The following HUWE1 variants were observed in gnomAD, a reference collection of about 807,000 sequenced individuals.
HUWE1 encodes the protein E3 ubiquitin-protein ligase HUWE1.
Under a neutral mutation model 299.4 loss-of-function variants are expected in HUWE1, and 18 were observed. That is an observed-to-expected ratio of 0.06 (90% CI 0.04 to 0.09). The LOEUF (loss-of-function observed/expected upper bound fraction) is 0.09. Ranked by LOEUF, HUWE1 falls within the 10% of genes least tolerant of loss-of-function variation. The pLI is 1.00. For missense variants in HUWE1, 1,832 were observed against 3,462.3 expected, an observed-to-expected ratio of 0.53 and a Z score of 11.82; for synonymous variants, 1,317 against 1,286.1, an observed-to-expected ratio of 1.02 and a Z score of -0.51.
chrX:53,638,512 G>A (rs2067364932), intron 7 of HUWE1, among the ~76,000 whole-genome samples: 1 of 112,010 alleles, frequency 8.9e-6, no homozygotes, highest in Non-Finnish European at 1.9e-5. Context: ...GACAGGATTT[G>A]CTAAATATTC....
chrX:53,624,718 A>G, intron 18 of HUWE1, 43 bp from the exon 19 acceptor site: 1 of 973,240 alleles, frequency 1.0e-6, no homozygotes, highest in Non-Finnish European at 1.5e-6. Flanking sequence ...AATAGTCTGG[A>G]AAGGTGTGAG....
Position 53,539,040 on chromosome X carries a change from G to A in HUWE1, c.11673C>T (p.Ala3891=), listed in dbSNP as rs1556916005. 5 of 1,209,429 alleles carry A rather than the reference G, an allele frequency of 4.1e-6. No homozygotes were observed. In the South Asian group the frequency reaches 7.1e-5, roughly 17 times the overall value. ...CAGGAGGCTTGCTCTCCCGCTCTGT[G>A]GCATGGACCAGAAAGAAGGCCTCGA... ...PAVEAFFLVH[A]TERESKPPVR... The change falls in exon 76 of 84, where the codon GCC becomes GCT. Residue 3891 remains alanine (A), a synonymous_variant. Transcript: ENST00000262854.
At chrX:53,667,465 T>A (rs782469460) in intron 3 of HUWE1, among the ~76,000 whole-genome samples, 1 of 111,895 alleles carries the variant, frequency 8.9e-6, no homozygotes, top group African/African-American at 3.3e-5. Flanking sequence ...CATTAGAGCC[T>A]ATAGTTGGGC....
intron 82 of HUWE1, 119 bp from the exon 83 acceptor site, chrX:53,534,316 G>C (rs781837822): frequency 4.1e-6 from 3 of 736,294 alleles, no homozygotes; most frequent in Non-Finnish European, 6.3e-6. Flanking sequence ...CCTTCTGTGG[G>C]ATGAGCTTTA....
chrX:53,567,995 C>T (rs967087071), intron 49 of HUWE1, among the ~76,000 whole-genome samples: 1 of 112,094 alleles, frequency 8.9e-6, no homozygotes, highest in Non-Finnish European at 1.9e-5. Context: ...AAGGAAGCAA[C>T]TGCACCAAGT....
intron 2 of HUWE1, among the ~76,000 whole-genome samples, chrX:53,683,404 GGAGGT>G (rs2070290635): frequency 9.0e-6 from 1 of 111,210 alleles, no homozygotes; most frequent in Non-Finnish European, 1.9e-5. Flanking sequence ...CCGGGTCGTC[GGAGGT>G]GCTGAGAACG....
At chrX:53,538,313 C>T in intron 77 of HUWE1, 24 bp downstream of exon 77, 1 of 1,060,570 alleles carries the variant, frequency 9.4e-7, no homozygotes. Flanking sequence ...CACCCCTCTA[C>T]CCCCCAATAT....
Position 53,584,216 on chromosome X carries a change from C to T in HUWE1, c.5131G>A (p.Asp1711Asn). 2 of 1,208,233 alleles carry T rather than the reference C, an allele frequency of 1.7e-6. No individual in the cohort carries two copies. The highest frequency in any genetic ancestry group is 5.9e-5 in the East Asian group (2 of 33,788). The change falls in exon 41 of 84, where the codon GAT becomes AAT. Residue 1711 changes from aspartate to asparagine, a missense_variant. Physicochemically the swap from Asp to Asn is conservative, Grantham distance 23 (BLOSUM62 1). Coordinates refer to ENST00000262854, the MANE Select transcript of HUWE1 (RefSeq NM_031407.7). ...CCTTTATTTTCTTTACGTTTGATAT[C>T]CATTTCTTTGCTTTCTTCCAGCGTC... Reference protein sequence around the residue: ...EKTLEESKEMDIKRKENKGND... With the variant: ...EKTLEESKEMNIKRKENKGND...
intron 74 of HUWE1, 34 bp downstream of exon 74, chrX:53,542,408 CT>C: frequency 1.1e-6 from 1 of 944,888 alleles, no homozygotes; most frequent in Non-Finnish European, 1.5e-6. Flanking sequence ...CTGGCTATCC[CT>C]TTTGCTCGGC....
chrX:53,617,490 C>T (rs782075220), intron 19 of HUWE1, 44 bp from the exon 20 acceptor site: 1 of 823,651 alleles, frequency 1.2e-6, no homozygotes, highest in South Asian at 2.2e-5. Context: ...AGATTCCTCA[C>T]AGAAACTGAA....
intron 80 of HUWE1, chrX:53,535,892 A>AC (rs1237142084): frequency 2.5e-5 from 9 of 355,611 alleles, no homozygotes; most frequent in Non-Finnish European, 4.3e-5. Flanking sequence ...ACAAAGACCT[A>AC]CCCTTGGGAA....
At chrX:53,625,427 T>C (rs1297273759) in intron 17 of HUWE1, 169 bp from the exon 18 acceptor site, 3 of 397,336 alleles carry the variant, frequency 7.6e-6, no homozygotes, top group South Asian at 5.1e-5. Context: ...AGCTTTGAAA[T>C]TGGAAAAATT....
chrX:53,591,666 A>G lies in HUWE1; in HGVS notation c.3973-544T>C, dbSNP rs782117630. On this transcript the variant is annotated intron_variant, in intron 33 of 83. Transcript: ENST00000262854. ...AGTTCTTGATAACAGCAATACAAGT[A>G]TATGTATTATTTGATGTTAACGACG... Among the ~76,000 whole-genome samples, 5 of 112,647 alleles carry G rather than the reference A, an allele frequency of 4.4e-5. No individual in the cohort carries two copies. In the East Asian group the frequency reaches 1.4e-3, roughly 31 times the overall value.
chrX:53,545,264 C>T, intron 70 of HUWE1, 103 bp from the exon 71 acceptor site: 1 of 814,097 alleles, frequency 1.2e-6, no homozygotes, highest in South Asian at 2.2e-5. Context: ...CTTCATTGCT[C>T]AGCTGCAGAG....
chrX:53,621,573 T>C (rs2066148133), intron 19 of HUWE1, among the ~76,000 whole-genome samples: 2 of 107,688 alleles, frequency 1.9e-5, no homozygotes, highest in African/African-American at 6.8e-5. Context: ...GTAACTGCCC[T>C]TGTAACTGCC....
At chrX:53,581,162 T>G (rs2063594407) in intron 42 of HUWE1, 136 bp from the exon 43 acceptor site, 1 of 524,958 alleles carries the variant, frequency 1.9e-6, no homozygotes, top group Non-Finnish European at 3.0e-6. Context: ...GTCCCATCCC[T>G]TCTTGATTCA....
At chrX:53,645,734 A>T (rs1291505802) in intron 6 of HUWE1, among the ~76,000 whole-genome samples, 2 of 18,190 alleles carry the variant, frequency 1.1e-4, no homozygotes, top group African/African-American at 2.9e-4. Flanking sequence ...AAAAAAAAAA[A>T]AAATATATAT....
rs140770877 is a variant in HUWE1, at chrX:53,565,102, G to A, written c.6845C>T (p.Ala2282Val). Reference protein sequence around the residue: ...KNKSEQDAQGASQDSSSNQQD... With the variant: ...KNKSEQDAQGVSQDSSSNQQD... The stretch of plus-strand genomic sequence containing the variant: ...CTGGTTGCTACTGGAATCTTGAGAG[G>A]CTCCTTGGGCATCCTGCTCAGACTT... The change falls in exon 50 of 84, where the codon GCC becomes GTC. Residue 2282 changes from alanine to valine, a missense_variant. Physicochemically the swap from Ala to Val is moderately conservative, Grantham distance 64 (BLOSUM62 0). This residue lies in a region of HUWE1 where 26 missense variants were observed against 20.7 expected (regional missense o/e 1.26). Transcript: ENST00000262854. 1.4e-5 allele frequency: 17 copies of A among 1,209,782 alleles called. No homozygotes were observed. The highest frequency in any genetic ancestry group is 1.9e-5 in the Non-Finnish European group (17 of 894,988).
At chrX:53,601,233 G>A (rs782025585) in intron 28 of HUWE1, among the ~76,000 whole-genome samples, 6 of 108,048 alleles carry the variant, frequency 5.6e-5, no homozygotes, top group Admixed American at 2.0e-4. Context: ...CTAGGCTTGA[G>A]TGCAGGGGTA....
Sources: gnomAD v4.1 joint callset for allele counts (sites outside exome capture counted in the v4.1 genomes callset) on GRCh38, gnomAD v4.1.1 for gene constraint, gnomAD v4.1.1 regional missense constraint, MANE v1.5 for transcripts, NCBI Gene and HGNC (gene_info 2026-07-23, HGNC 2026-07-21) for gene names.